The following B3GALT1 variants were observed in gnomAD, a reference collection of about 807,000 sequenced individuals.
The protein encoded by B3GALT1 is beta-1,3-galactosyltransferase 1.
A neutral mutation model predicts 23.2 loss-of-function variants in B3GALT1; 10 were observed. That is an observed-to-expected ratio of 0.43 (90% confidence interval 0.27 to 0.73). The LOEUF (loss-of-function observed/expected upper bound fraction) is 0.73. Ranked by LOEUF, B3GALT1 falls within the 30% of genes least tolerant of loss-of-function variation. B3GALT1 has a pLI of 0.21. For synonymous variants in B3GALT1, 156 were observed against 141.5 expected (o/e 1.10, Z -0.73); for missense variants, 299 against 405.4 (o/e 0.74, Z 2.25).
chr2:167,447,303 G>C (rs113474722), intron 1 of B3GALT1, among the ~76,000 whole-genome samples: 1 of 152,130 alleles, frequency 6.6e-6, no homozygotes, highest in African/African-American at 2.4e-5. Flanking sequence ...AGGCTACTCC[G>C]GGGTCAGGGA....
intron 1 of B3GALT1, among the ~76,000 whole-genome samples, chr2:167,396,534 A>ATATGTG (rs1227022241): frequency 1.4e-5 from 2 of 142,154 alleles, no homozygotes; most frequent in African/African-American, 5.4e-5. Flanking sequence ...ATATATATAT[A>ATATGTG]TGTGTGTGTG....
chr2:167,816,865 C>T (rs1033318297), intron 3 of B3GALT1, among the ~76,000 whole-genome samples: 1 of 152,138 alleles, frequency 6.6e-6, no homozygotes, highest in African/African-American at 2.4e-5. Context: ...TTCATGCAGA[C>T]TAAAAACTGA....
chr2:167,456,853 C>G (rs186001255), intron 1 of B3GALT1, among the ~76,000 whole-genome samples: 1 of 152,192 alleles, frequency 6.6e-6, no homozygotes, highest in Admixed American at 6.5e-5. Context: ...ACTCTCCAAA[C>G]TCCATAGGTT....
intron 2 of B3GALT1, among the ~76,000 whole-genome samples, chr2:167,562,918 C>T (rs1190556163): frequency 1.3e-5 from 2 of 152,096 alleles, no homozygotes; most frequent in African/African-American, 4.8e-5. Flanking sequence ...TTAATCCATT[C>T]AACCCTGAGT....
At chr2:167,313,393 G>A (rs1017946278) in intron 1 of B3GALT1, among the ~76,000 whole-genome samples, 1 of 152,120 alleles carries the variant, frequency 6.6e-6, no homozygotes, top group African/African-American at 2.4e-5. Context: ...TCTTGACTAT[G>A]ACCAATGTGT....
At chr2:167,867,154 C>G (rs1690244895) in intron 4 of B3GALT1, among the ~76,000 whole-genome samples, 1 of 152,190 alleles carries the variant, frequency 6.6e-6, no homozygotes, top group Admixed American at 6.5e-5. Flanking sequence ...TCTCGATCTC[C>G]TGACCTCGTG....
chr2:167,582,451 A>G (rs2105408665), intron 2 of B3GALT1, among the ~76,000 whole-genome samples: 1 of 152,338 alleles, frequency 6.6e-6, no homozygotes, highest in South Asian at 2.1e-4. Context: ...TATTCTCTAA[A>G]ACTGCTCTTA....
intron 3 of B3GALT1, among the ~76,000 whole-genome samples, chr2:167,650,086 C>T (rs923125355): frequency 2.0e-5 from 3 of 151,722 alleles, no homozygotes; most frequent in Admixed American, 6.6e-5. Flanking sequence ...TGAGGAAGTT[C>T]CCTTCTATAT....
At chr2:167,379,347 G>A (rs901903686) in intron 1 of B3GALT1, among the ~76,000 whole-genome samples, 1 of 152,028 alleles carries the variant, frequency 6.6e-6, no homozygotes, top group Non-Finnish European at 1.5e-5. Flanking sequence ...TACAATTCAA[G>A]ATGAGATTTG....
intron 1 of B3GALT1, among the ~76,000 whole-genome samples, chr2:167,303,682 CAG>C (rs1553510007): frequency 1.3e-4 from 19 of 148,724 alleles, no homozygotes; most frequent in African/African-American, 2.8e-4. Flanking sequence ...CACACACACA[CAG>C]AGAGAGACCT....
chr2:167,562,640 A>G lies in B3GALT1; in HGVS notation c.-410+72363A>G, dbSNP rs1434578894. Among the ~76,000 whole-genome samples the G allele has an allele frequency of 2.1e-5, 3 of 144,814 alleles. No homozygotes were observed. In the East Asian group the frequency reaches 6.6e-4, roughly 32 times the overall value. ...GATACAAAATCAATGTACAAAAATC[A>G]CAAGCATTCTTTTTTTTTTTTTTTT... On this transcript the variant is annotated intron_variant, in intron 2 of 4. Transcript: ENST00000392690.
intron 3 of B3GALT1, chr2:167,714,970 C>T: frequency 1.9e-6 from 3 of 1,611,622 alleles, no homozygotes; most frequent in Non-Finnish European, 2.5e-6. Flanking sequence ...TGTTTTCTGA[C>T]TGCAAAGATG....
At chr2:167,654,876 C>T (rs962317111) in intron 3 of B3GALT1, among the ~76,000 whole-genome samples, 2 of 151,560 alleles carry the variant, frequency 1.3e-5, no homozygotes, top group Non-Finnish European at 2.9e-5. Flanking sequence ...CTTTTATAGT[C>T]CCTCTCCCCC....
intron 2 of B3GALT1, among the ~76,000 whole-genome samples, chr2:167,618,756 T>A (rs1289785516): frequency 1.3e-5 from 2 of 151,992 alleles, no homozygotes; most frequent in Non-Finnish European, 2.9e-5. Flanking sequence ...TAATAGAATG[T>A]CTCTCAGAGT....
At chr2:167,654,344 C>CT (rs900155252) in intron 3 of B3GALT1, among the ~76,000 whole-genome samples, 8 of 152,294 alleles carry the variant, frequency 5.3e-5, no homozygotes, top group African/African-American at 1.7e-4. Flanking sequence ...CTGCTGACCT[C>CT]TGAGACTTCA....
chr2:167,350,577 C>A (rs1358465733), intron 1 of B3GALT1, among the ~76,000 whole-genome samples: 5 of 152,174 alleles, frequency 3.3e-5, no homozygotes, highest in Non-Finnish European at 7.3e-5. Context: ...CACCCCTGTT[C>A]CCTCTGCATC....
chr2:167,834,381 T>C (rs1689415403), intron 4 of B3GALT1, among the ~76,000 whole-genome samples: 1 of 152,202 alleles, frequency 6.6e-6, no homozygotes, highest in Non-Finnish European at 1.5e-5. Context: ...TTGTGCATCC[T>C]TTGTAAGGTC....
intron 2 of B3GALT1, among the ~76,000 whole-genome samples, chr2:167,571,308 C>T (rs1271519504): frequency 2.0e-5 from 3 of 151,884 alleles, no homozygotes; most frequent in Non-Finnish European, 4.4e-5. Flanking sequence ...CAAACGTGCA[C>T]CTCTCCAATG....
chr2:167,564,582 C>T (rs368805028), intron 2 of B3GALT1, among the ~76,000 whole-genome samples: 2 of 152,186 alleles, frequency 1.3e-5, no homozygotes, highest in South Asian at 2.1e-4. Context: ...CACCGAGCAC[C>T]GAGTGAACGA....
Sources: allele counts gnomAD v4.1 joint callset (sites outside exome capture counted in the v4.1 genomes callset), GRCh38; gene constraint gnomAD v4.1.1; transcripts MANE v1.5; gene names NCBI Gene and HGNC (gene_info 2026-07-23, HGNC 2026-07-21).